The following XIRP2 variants were observed in gnomAD, a reference collection of about 807,000 sequenced individuals.
XIRP2 encodes the protein xin actin binding repeat containing 2, also known as xin actin-binding repeat-containing protein 2.
XIRP2 carries 236 observed loss-of-function variants against 277.0 expected under a neutral mutation model. That is an observed-to-expected ratio of 0.85 (90% CI 0.77 to 0.95). The LOEUF (loss-of-function observed/expected upper bound fraction) is 0.95, where lower values mean the gene tolerates loss of function less well. Ranked by LOEUF, XIRP2 falls within the 40% of genes least tolerant of loss-of-function variation. XIRP2 has a pLI of 0.00. For synonymous variants in XIRP2, 1,490 were observed against 1,416.5 expected (o/e 1.05, Z -1.17); for missense variants, 4,640 against 4,157.5 (o/e 1.12, Z -3.19).
intron 5 of XIRP2, among the ~76,000 whole-genome samples, chr2:167,232,503 A>G (rs1389611311): frequency 6.6e-6 from 1 of 151,926 alleles, no homozygotes; most frequent in African/African-American, 2.4e-5. Flanking sequence ...TTAATTCTAC[A>G]ATGAAATTCT....
At chr2:166,908,898 G>T (rs914157682) in intron 2 of XIRP2, among the ~76,000 whole-genome samples, 4 of 151,958 alleles carry the variant, frequency 2.6e-5, no homozygotes, top group Non-Finnish European at 5.9e-5. Context: ...TCTTGTTTTT[G>T]TCAGGTTTGT....
Position 167,249,968 on chromosome 2 carries a change from A to G in XIRP2, c.8576A>G (p.Asp2859Gly). 1 of 1,613,628 alleles carries G rather than the reference A, an allele frequency of 6.2e-7. No individual in the cohort carries two copies. Among genetic ancestry groups the G allele is most frequent in the South Asian group, 1.1e-5 (1 of 91,078 alleles). The stretch of plus-strand genomic sequence containing the variant: ...AAGGTCGTCAAGCAAAAGGTTATCG[A>G]TGCACATCTTGATTCACAGACTCAG... ...APKVVKQKVI[D>G]AHLDSQTQNF... The change falls in exon 9 of 11, where the codon GAT becomes GGT. Residue 2859 changes from aspartate to glycine, a missense_variant. Asp to Gly is a moderately conservative substitution (Grantham distance 94). Coordinates refer to ENST00000409195, the MANE Select transcript of XIRP2 (RefSeq NM_152381.6).
intron 5 of XIRP2, among the ~76,000 whole-genome samples, chr2:167,221,460 C>CAAAAAAAAAA (rs57006710): frequency 1.6e-5 from 1 of 63,456 alleles, no homozygotes; most frequent in Non-Finnish European, 3.6e-5. Flanking sequence ...AACTCCATCT[C>CAAAAAAAAAA]AAAAAAAAAA....
chr2:167,063,449 A>G (rs1689220676), intron 2 of XIRP2, among the ~76,000 whole-genome samples: 1 of 152,086 alleles, frequency 6.6e-6, no homozygotes, highest in African/African-American at 2.4e-5. Flanking sequence ...CAAGTCCTTT[A>G]TATCCTATTG....
Position 167,195,789 on chromosome 2 carries a change from A to G in XIRP2, c.563-14946A>G, listed in dbSNP as rs367911124. Among the ~76,000 whole-genome samples, 25 of 152,306 alleles carry G rather than the reference A, an allele frequency of 1.6e-4. No homozygotes were observed. In the East Asian group the frequency reaches 4.0e-3, roughly 25 times the overall value. ...GAAAGGTTGGAGCCTGCAATGGATG[A>G]GGGTATGCATTTCAAAACAAAGGCC... On this transcript the variant is annotated intron_variant, in intron 3 of 10. Coordinates refer to ENST00000409195, the MANE Select transcript of XIRP2 (RefSeq NM_152381.6).
intron 2 of XIRP2, among the ~76,000 whole-genome samples, chr2:166,943,461 T>C: frequency 6.6e-6 from 1 of 152,196 alleles, no homozygotes; most frequent in East Asian, 1.9e-4. Flanking sequence ...TCCAGCAAGG[T>C]ATGAAAGTAG....
At chr2:167,124,040 T>C (rs1433451408) in intron 2 of XIRP2, 1 of 152,158 alleles carries the variant, frequency 6.6e-6, no homozygotes, top group African/African-American at 2.4e-5. Flanking sequence ...TCAGGATTGA[T>C]AAAATCATAA....
At chr2:167,173,097 A>T (rs1370270330) in intron 3 of XIRP2, among the ~76,000 whole-genome samples, 2 of 152,194 alleles carry the variant, frequency 1.3e-5, no homozygotes, top group East Asian at 3.9e-4. Context: ...CAGTGTATCC[A>T]TTCCCTCAAG....
intron 3 of XIRP2, among the ~76,000 whole-genome samples, chr2:167,190,062 T>C (rs1046733469): frequency 6.6e-6 from 1 of 152,208 alleles, no homozygotes; most frequent in Non-Finnish European, 1.5e-5. Flanking sequence ...AACAGACAGA[T>C]GGAAGAGATG....
intron 2 of XIRP2, among the ~76,000 whole-genome samples, chr2:167,073,285 A>G (rs1009161203): frequency 1.3e-5 from 2 of 152,140 alleles, no homozygotes; most frequent in Non-Finnish European, 2.9e-5. Context: ...AGCAATATTT[A>G]CAAGTCCTAA....
intron 2 of XIRP2, among the ~76,000 whole-genome samples, chr2:166,940,464 T>C (rs192410474): frequency 6.6e-6 from 1 of 152,214 alleles, no homozygotes; most frequent in Non-Finnish European, 1.5e-5. Context: ...TCATTCTCCA[T>C]CCAGCTTTGT....
At chr2:167,176,190 C>T (rs1692841208) in intron 3 of XIRP2, among the ~76,000 whole-genome samples, 1 of 152,178 alleles carries the variant, frequency 6.6e-6, no homozygotes, top group Non-Finnish European at 1.5e-5. Flanking sequence ...CTGCAGCTAG[C>T]TCAGTGTCTG....
At chr2:167,059,351 C>T (rs933222359) in intron 2 of XIRP2, among the ~76,000 whole-genome samples, 15 of 150,954 alleles carry the variant, frequency 9.9e-5, no homozygotes, top group South Asian at 2.1e-4. Context: ...CTCCTGACCT[C>T]GGGTGATCCG....
At chr2:167,187,179 A>G in intron 3 of XIRP2, 2 of 918,608 alleles carry the variant, frequency 2.2e-6, no homozygotes, top group Non-Finnish European at 2.6e-6. Flanking sequence ...AGTTTGATTG[A>G]CTGCACATGT....
chr2:167,000,537 A>G (rs1354707133), intron 2 of XIRP2, among the ~76,000 whole-genome samples: 2 of 150,184 alleles, frequency 1.3e-5, no homozygotes, highest in East Asian at 1.9e-4. Flanking sequence ...TTTATGATCA[A>G]CATGGCTTTA....
chr2:167,074,487 C>A (rs1018393841), intron 2 of XIRP2, among the ~76,000 whole-genome samples: 10 of 152,040 alleles, frequency 6.6e-5, no homozygotes, highest in African/African-American at 2.4e-4. Context: ...TAAAAATAAT[C>A]ACAAATTATT....
chr2:167,116,835 A>G (rs559929598), intron 2 of XIRP2, among the ~76,000 whole-genome samples: 1 of 152,350 alleles, frequency 6.6e-6, no homozygotes, highest in South Asian at 2.1e-4. Flanking sequence ...AGTTAGATGT[A>G]CTAGAGAACA....
At chr2:167,046,640 T>G (rs1688795184) in intron 2 of XIRP2, among the ~76,000 whole-genome samples, 1 of 152,102 alleles carries the variant, frequency 6.6e-6, no homozygotes, top group African/African-American at 2.4e-5. Flanking sequence ...GGATGCAACT[T>G]AAGGCCATTT....
intron 2 of XIRP2, among the ~76,000 whole-genome samples, chr2:166,914,704 T>A (rs1178284925): frequency 1.3e-5 from 2 of 152,208 alleles, no homozygotes; most frequent in African/African-American, 4.8e-5. Context: ...AATAGGAAGC[T>A]AATACAGTTA....
Sources: allele counts gnomAD v4.1 joint callset (sites outside exome capture counted in the v4.1 genomes callset), GRCh38; gene constraint gnomAD v4.1.1; transcripts MANE v1.5; gene names NCBI Gene and HGNC (gene_info 2026-07-23, HGNC 2026-07-21).